WNT2: variants seen among roughly 807,000 people sequenced by gnomAD.
WNT2 encodes the protein protein Wnt-2.
Under a neutral mutation model 36.9 loss-of-function variants are expected in WNT2, and 12 were observed. That is an observed-to-expected ratio of 0.33 (90% CI 0.21 to 0.53). The LOEUF (loss-of-function observed/expected upper bound fraction) is 0.53, where lower values mean the gene tolerates loss of function less well. Ranked by LOEUF, WNT2 falls within the 20% of genes least tolerant of loss-of-function variation. WNT2 has a pLI of 0.95. For missense variants in WNT2, 379 were observed against 473.1 expected (o/e 0.80, Z 1.84); for synonymous variants, 163 against 174.6 (o/e 0.93, Z 0.52).
At chr7:117,296,957 G>A (rs1422304457) in intron 4 of WNT2, among the ~76,000 whole-genome samples, 1 of 152,160 alleles carries the variant, frequency 6.6e-6, no homozygotes, top group Non-Finnish European at 1.5e-5. Flanking sequence ...GATTTCAGAA[G>A]AGTCTAAATT....
At chr7:117,280,157 C>T (rs1383108728) in intron 4 of WNT2, among the ~76,000 whole-genome samples, 3 of 151,920 alleles carry the variant, frequency 2.0e-5, no homozygotes, top group South Asian at 4.2e-4. Context: ...GGCAAAAGGC[C>T]GGGGTCAGGG....
chr7:117,308,242 G>A (rs1795049334), intron 3 of WNT2, among the ~76,000 whole-genome samples: 1 of 152,184 alleles, frequency 6.6e-6, no homozygotes, highest in South Asian at 2.1e-4. Flanking sequence ...ATTAACTTAA[G>A]ACATTGTGAT....
rs1183102135 is a variant in WNT2 at position 117,315,125 on chromosome 7, T to G, written c.534A>C (p.Lys178Asn). ...ARAFVDAKER[K>N]GKDARALMNL... ...TCATCAGGGCTCTGGCATCCTTTCC[T>G]TTCCTTTCCTTTGCATCCACAAATG... Residue 178 changes from lysine to asparagine, a missense_variant, in exon 3 of 5, where the codon AAA becomes AAC. Coordinates refer to ENST00000265441, the MANE Select transcript of WNT2 (RefSeq NM_003391.3). 6.2e-7 allele frequency: 1 copy of G among 1,614,222 alleles called. No individual in the cohort carries two copies. Among genetic ancestry groups the G allele is most frequent in the South Asian group, 1.1e-5 (1 of 91,082 alleles).
intron 4 of WNT2, among the ~76,000 whole-genome samples, chr7:117,296,453 C>T (rs1359546728): frequency 6.6e-6 from 1 of 152,144 alleles, no homozygotes; most frequent in Non-Finnish European, 1.5e-5. Context: ...TGGCTGCCAT[C>T]CATACCATTT....
At chr7:117,316,012 T>A (rs768862841) in intron 2 of WNT2, among the ~76,000 whole-genome samples, 6 of 152,230 alleles carry the variant, frequency 3.9e-5, no homozygotes, top group Non-Finnish European at 8.8e-5. Context: ...ATCCTTGAGT[T>A]ACATACTATA....
intron 2 of WNT2, among the ~76,000 whole-genome samples, chr7:117,318,024 G>A (rs532043331): frequency 7.2e-5 from 11 of 152,266 alleles, no homozygotes; most frequent in Middle Eastern, 3.4e-3. Flanking sequence ...CCTGTGACTG[G>A]TAACTATCTG....
intron 2 of WNT2, among the ~76,000 whole-genome samples, chr7:117,316,046 ACTTT>A (rs1461909379): frequency 6.6e-6 from 1 of 152,220 alleles, no homozygotes; most frequent in Non-Finnish European, 1.5e-5. Context: ...AGGTGAATTT[ACTTT>A]CTTCTGGAAC....
At chr7:117,295,691 G>A (rs555132451) in intron 4 of WNT2, among the ~76,000 whole-genome samples, 1 of 152,308 alleles carries the variant, frequency 6.6e-6, no homozygotes, top group South Asian at 2.1e-4. Flanking sequence ...TTTCACATAT[G>A]TGTCCTTGGA....
chr7:117,282,760 C>CA (rs1321076397), intron 4 of WNT2, among the ~76,000 whole-genome samples: 1 of 152,122 alleles, frequency 6.6e-6, no homozygotes, highest in East Asian at 1.9e-4. Flanking sequence ...ATTTGTGTTT[C>CA]AGAAGGATCT....
chr7:117,312,980 A>C (rs914518624), intron 3 of WNT2, among the ~76,000 whole-genome samples: 1 of 152,222 alleles, frequency 6.6e-6, no homozygotes, highest in African/African-American at 2.4e-5. Flanking sequence ...GTAGATGTTC[A>C]TATTGGCCAA....
Position 117,277,231 on chromosome 7 carries a change from A to G in WNT2, c.*924T>C, listed in dbSNP as rs1794395953. Reference sequence around the variant, plus strand: ...TTCCATGGGTCACATGCATAATATGAGATAGGAATTTTATTCTCCCTTTTT... The same window carrying G: ...TTCCATGGGTCACATGCATAATATGGGATAGGAATTTTATTCTCCCTTTTT... On this transcript the variant is annotated 3_prime_UTR_variant, in exon 5 of 5. Transcript: ENST00000265441. 6.6e-6 allele frequency: 1 copy of G among 152,190 alleles called. No homozygotes were observed. The highest frequency in any genetic ancestry group is 2.1e-4 in the South Asian group (1 of 4,824). 9.4% of individuals were successfully genotyped at this position (152,190 alleles called of 1,614,324 possible). A position where few individuals can be genotyped will look rare whatever the true frequency, so the allele number is the denominator to read the frequency against.
intron 4 of WNT2, among the ~76,000 whole-genome samples, chr7:117,292,946 AT>A (rs943723368): frequency 6.6e-6 from 1 of 152,082 alleles, no homozygotes; most frequent in African/African-American, 2.4e-5. Flanking sequence ...TAAATCACTG[AT>A]TTTTCAAACT....
intron 3 of WNT2, among the ~76,000 whole-genome samples, chr7:117,305,615 G>A (rs1173231781): frequency 6.6e-6 from 1 of 152,204 alleles, no homozygotes; most frequent in East Asian, 1.9e-4. Context: ...TGGTTGTAGA[G>A]GTGGGGCTTG....
intron 3 of WNT2, among the ~76,000 whole-genome samples, chr7:117,305,153 G>A (rs2116370393): frequency 6.6e-6 from 1 of 152,160 alleles, no homozygotes; most frequent in African/African-American, 2.4e-5. Flanking sequence ...CGTCCTCTAG[G>A]GCAGCATTTT....
In WNT2 at chr7:117,276,653, GA is replaced by G. The variant is rs1794384936; in HGVS notation, c.*1501del. On this transcript the variant is annotated 3_prime_UTR_variant, in exon 5 of 5. Coordinates refer to ENST00000265441, the MANE Select transcript of WNT2 (RefSeq NM_003391.3). ...TAATTTGATACCAGATGCATGTAAT[GA>G]AATATCCTGTTAATGTAGCACTGTA... 6.6e-6 allele frequency: 1 copy of G among 152,206 alleles called. No homozygotes were observed. Among genetic ancestry groups the G allele is most frequent in the Non-Finnish European group, 1.5e-5 (1 of 68,046 alleles). 9.4% of individuals were successfully genotyped at this position (152,206 alleles called of 1,614,324 possible).
intron 4 of WNT2, among the ~76,000 whole-genome samples, chr7:117,279,635 A>G (rs982036637): frequency 6.6e-6 from 1 of 151,964 alleles, no homozygotes; most frequent in Non-Finnish European, 1.5e-5. Flanking sequence ...ATCCTGGACT[A>G]TTTTCTGGTT....
In WNT2 at chr7:117,322,841, C is replaced by T. The variant is rs997826732; in HGVS notation, c.83+66G>A. On this transcript the variant is annotated intron_variant, in intron 1 of 4. Transcript: ENST00000265441. The surrounding 1 kb of genome is among the most constrained non-coding windows in gnomAD (Gnocchi z 5.4). ...GCGGGGGAACGCAGCCAGGAAGGGT[C>T]TATGTGGCCAATGCGGTCCCCATTC... 78 of 1,528,994 alleles carry T rather than the reference C, an allele frequency of 5.1e-5. No individual in the cohort carries two copies. Among genetic ancestry groups the T allele is most frequent in the Non-Finnish European group, 7.0e-5 (78 of 1,106,818 alleles). 94.7% of individuals were successfully genotyped at this position (1,528,994 alleles called of 1,614,324 possible). A position where few individuals can be genotyped will look rare whatever the true frequency, so the allele number is the denominator to read the frequency against.
rs1794823772 is a variant in WNT2 at position 117,297,856 on chromosome 7, T to C, written c.609A>G (p.Lys203=). 1.2e-6 allele frequency: 2 copies of C among 1,612,798 alleles called. No individual in the cohort carries two copies. The highest frequency in any genetic ancestry group is 1.7e-6 in the Non-Finnish European group (2 of 1,178,912). Residue 203 remains lysine, a synonymous_variant, in exon 4 of 5, where the codon AAA becomes AAG. Transcript: ENST00000265441. Reference sequence around the variant, plus strand: ...TCACCCCGTGGCACTTGCACTCTTGTTTCAAGAACCGCTTTACAGCCTGCC... The same window carrying C: ...TCACCCCGTGGCACTTGCACTCTTGCTTCAAGAACCGCTTTACAGCCTGCC... ...AGRKAVKRFL[K]QECKCHGVSG...
intron 4 of WNT2, among the ~76,000 whole-genome samples, chr7:117,297,144 T>C (rs1263686729): frequency 1.3e-5 from 2 of 152,234 alleles, no homozygotes; most frequent in African/African-American, 2.4e-5. Flanking sequence ...CTTTTTGCCC[T>C]GGACATTGTG....
Sources: allele counts gnomAD v4.1 joint callset (sites outside exome capture counted in the v4.1 genomes callset), GRCh38; gene constraint gnomAD v4.1.1; non-coding constraint Gnocchi (gnomAD v3.1); transcripts MANE v1.5; gene names NCBI Gene and HGNC (gene_info 2026-07-23, HGNC 2026-07-21).